CDH17: variants seen among roughly 807,000 people sequenced by gnomAD.
CDH17 encodes cadherin-17.
CDH17 carries 67 observed loss-of-function variants against 86.3 expected under a neutral mutation model. The ratio of observed to expected loss-of-function variants is 0.78; its 90% CI spans 0.64 to 0.95. The LOEUF (loss-of-function observed/expected upper bound fraction) is 0.95, where lower values mean the gene tolerates loss of function less well. CDH17 is among the 40% of genes least tolerant of loss of function. The probability of loss-of-function intolerance (pLI) is 0.00; values close to 1 mark genes in which losing one functional copy is unlikely to be tolerated. For missense variants in CDH17, 993 were observed against 1,017.6 expected (o/e 0.98, Z 0.33); for synonymous variants, 367 against 366.4 (o/e 1.00, Z -0.02).
At chr8:94,159,803 T>C (rs1339663503) in intron 12 of CDH17, among the ~76,000 whole-genome samples, 168 bp downstream of exon 12, 2 of 152,156 alleles carry the variant, frequency 1.3e-5, no homozygotes, top group African/African-American at 2.4e-5. Context: ...ACTTCCCGTC[T>C]GTCAGGAAGA....
At position 94,146,174 on chromosome 8, in the gene CDH17, A is replaced by C. The variant is rs1409565349; in HGVS notation, c.1928-7T>G. The stretch of plus-strand genomic sequence containing the variant: ...GAGCTCAAGGAAGACCCCCCTAAGG[A>C]ATTGAATGATTGAAACATGGGATCA... On this transcript the variant is annotated splice_region_variant and splice_polypyrimidine_tract_variant and intron_variant, in intron 14 of 17. Coordinates refer to ENST00000027335, the MANE Select transcript of CDH17 (RefSeq NM_004063.4). The C allele has an allele frequency of 6.7e-7, 1 of 1,488,032 alleles. No individual in the cohort carries two copies. Among genetic ancestry groups the C allele is most frequent in the Non-Finnish European group, 8.9e-7 (1 of 1,118,872 alleles). 92.2% of individuals were successfully genotyped at this position (1,488,032 alleles called of 1,614,324 possible).
chr8:94,146,128 A>G lies in CDH17; in HGVS notation c.1967T>C (p.Ile656Thr). Reference sequence around the variant, plus strand: ...AGGGTTGTCATTCACATCCATAAGGATCAGGTGGAACTCTGACACAGAGCT... The same window carrying G: ...AGGGTTGTCATTCACATCCATAAGGGTCAGGTGGAACTCTGACACAGAGCT... ...SLSSVSEFHL[I>T]LMDVNDNPPR... Residue 656 changes from isoleucine (I) to threonine (T), a missense_variant, in exon 15 of 18, where the codon ATC (isoleucine) becomes ACC (threonine). Ile to Thr is a moderately conservative substitution (Grantham distance 89). Transcript: ENST00000027335. 6.2e-7 allele frequency: 1 copy of G among 1,606,060 alleles called. No homozygotes were observed. Among genetic ancestry groups the G allele is most frequent in the Non-Finnish European group, 8.5e-7 (1 of 1,175,996 alleles).
Position 94,160,107 on chromosome 8 carries a change from A to G in CDH17, c.1415T>C (p.Ile472Thr), listed in dbSNP as rs1174891739. ...DTNIGSTILT[I>T]QATDADEPFT... ...TGGCTCATCAGCATCAGTGGCCTGG[A>G]TGGTTAAGATGGTGGACCCAATGTT... The change falls in exon 12 of 18, where the codon ATC (isoleucine) becomes ACC (threonine). Residue 472 changes from isoleucine (I) to threonine (T), a missense_variant. Ile to Thr is a moderately conservative substitution (Grantham distance 89). Coordinates refer to ENST00000027335, the MANE Select transcript of CDH17 (RefSeq NM_004063.4). 6.2e-7 allele frequency: 1 copy of G among 1,613,600 alleles called. No homozygotes were observed. Among genetic ancestry groups the G allele is most frequent in the African/African-American group, 1.3e-5 (1 of 74,884 alleles).
chr8:94,145,119 A>C (rs4523220), intron 15 of CDH17, among the ~76,000 whole-genome samples: 3,930 of 152,188 alleles, frequency 0.026, 170 homozygotes, highest in African/African-American at 0.09. Context: ...GAATCATATA[A>C]CTCCCATATG....
intron 1 of CDH17, among the ~76,000 whole-genome samples, chr8:94,204,845 C>A (rs1813994435): frequency 6.6e-6 from 1 of 152,130 alleles, no homozygotes; most frequent in Admixed American, 6.5e-5. Flanking sequence ...CCAAAACATC[C>A]CAGCATTGAA....
At chr8:94,139,830 G>A (rs1369089405) in intron 15 of CDH17, among the ~76,000 whole-genome samples, 1 of 151,924 alleles carries the variant, frequency 6.6e-6, no homozygotes, top group Non-Finnish European at 1.5e-5. Context: ...TTGAACCTGG[G>A]AGGCTGAGAT....
chr8:94,210,082 A>G (rs2129669801), upstream of CDH17, among the ~76,000 whole-genome samples: 1 of 152,136 alleles, frequency 6.6e-6, no homozygotes, highest in African/African-American at 2.4e-5. Flanking sequence ...GAAAATGGGG[A>G]CACAGAGAGG....
At chr8:94,189,136 A>G (rs1813636871) in intron 3 of CDH17, 51 bp downstream of exon 3, 1 of 1,267,456 alleles carries the variant, frequency 7.9e-7, no homozygotes, top group African/African-American at 1.5e-5. Flanking sequence ...GTAAAAGTCC[A>G]CCAAGAGAGC....
At chr8:94,206,575 A>AT (rs934367798) in intron 1 of CDH17, among the ~76,000 whole-genome samples, 13 of 150,798 alleles carry the variant, frequency 8.6e-5, no homozygotes, top group South Asian at 2.1e-4. Flanking sequence ...CCTTCTAGAC[A>AT]TTTTTTTTGA....
chr8:94,151,016 C>T (rs1345985223), intron 13 of CDH17, among the ~76,000 whole-genome samples: 2 of 152,106 alleles, frequency 1.3e-5, no homozygotes, highest in African/African-American at 4.8e-5. Flanking sequence ...AAGGACAGCT[C>T]AATGGGAGGC....
chr8:94,132,432 T>C (rs991444475), intron 15 of CDH17, among the ~76,000 whole-genome samples: 1 of 152,200 alleles, frequency 6.6e-6, no homozygotes, highest in Non-Finnish European at 1.5e-5. Context: ...TGACCAGTGA[T>C]GATCATGTTG....
chr8:94,177,943 T>C (rs950962979), intron 3 of CDH17, among the ~76,000 whole-genome samples: 3 of 152,202 alleles, frequency 2.0e-5, no homozygotes, highest in Admixed American at 6.5e-5. Context: ...ATTCAATACA[T>C]TGACAAAAGT....
chr8:94,153,541 T>A lies in CDH17; in HGVS notation c.1552-1429A>T, dbSNP rs1301369532. 6.6e-5 allele frequency among the ~76,000 whole-genome samples: 10 copies of A among 152,210 alleles called. No homozygotes were observed. The East Asian group carries it at 1.9e-3, about 29-fold the overall frequency. On this transcript the variant is annotated intron_variant, in intron 12 of 17. Transcript: ENST00000027335. ...AAAGTCAGTATGTCAAAGAGATATC[T>A]GCACTCCTATGTTCCCTGCAGCATC... is the stretch of plus-strand genomic sequence containing the variant.
intron 3 of CDH17, among the ~76,000 whole-genome samples, chr8:94,178,447 C>G (rs1813415473): frequency 6.6e-6 from 1 of 151,626 alleles, no homozygotes; most frequent in Non-Finnish European, 1.5e-5. Context: ...ATGTTTGTAC[C>G]CTTTGATAGC....
At chr8:94,159,522 G>A (rs1431232041) in intron 12 of CDH17, among the ~76,000 whole-genome samples, 1 of 152,132 alleles carries the variant, frequency 6.6e-6, no homozygotes, top group Non-Finnish European at 1.5e-5. Flanking sequence ...TTGCAAAGGG[G>A]GAAGTGAAAG....
chr8:94,135,233 T>C (rs1812498975), intron 15 of CDH17, among the ~76,000 whole-genome samples: 1 of 152,220 alleles, frequency 6.6e-6, no homozygotes, highest in Admixed American at 6.5e-5. Context: ...TCTGTCTCAT[T>C]GATATGTCTA....
At chr8:94,153,335 A>G (rs563717444) in intron 12 of CDH17, among the ~76,000 whole-genome samples, 15 of 152,376 alleles carry the variant, frequency 9.8e-5, no homozygotes, top group African/African-American at 3.1e-4. Flanking sequence ...CACACCTGTT[A>G]GAATGACTTA....
chr8:94,143,068 A>G (rs1812669730), intron 15 of CDH17, among the ~76,000 whole-genome samples: 1 of 152,230 alleles, frequency 6.6e-6, no homozygotes, highest in Non-Finnish European at 1.5e-5. Context: ...CTTTGCCCAG[A>G]TCCATCAGAG....
At chr8:94,174,583 T>C (rs1563579677) in intron 5 of CDH17, among the ~76,000 whole-genome samples, 2 of 152,222 alleles carry the variant, frequency 1.3e-5, no homozygotes, top group Non-Finnish European at 1.5e-5. Context: ...AATATGGTAT[T>C]AATTTTGATT....
Sources: allele counts gnomAD v4.1 joint callset (sites outside exome capture counted in the v4.1 genomes callset), GRCh38; gene constraint gnomAD v4.1.1; transcripts MANE v1.5; gene names NCBI Gene and HGNC (gene_info 2026-07-23, HGNC 2026-07-21).